The following NRG4 variants were observed in gnomAD, a reference collection of about 807,000 sequenced individuals.
NRG4 encodes pro-neuregulin-4, membrane-bound isoform.
NRG4 carries 10 observed loss-of-function variants against 15.0 expected under a neutral mutation model. The ratio of observed to expected loss-of-function variants is 0.67; its 90% CI spans 0.41 to 1.13. NRG4 has a LOEUF of 1.13. NRG4 is among the 50% of genes most tolerant of loss of function. The pLI is 0.00. For synonymous variants in NRG4, 41 were observed against 50.1 expected (o/e 0.82, Z 0.77); for missense variants, 139 against 140.2 (o/e 0.99, Z 0.04).
chr15:76,014,116 C>T (rs552629270), upstream of NRG4, among the ~76,000 whole-genome samples: 9 of 152,054 alleles, frequency 5.9e-5, no homozygotes, highest in South Asian at 2.1e-4. Context: ...TTTTTTCATA[C>T]GTTTGTTGGC....
chr15:76,059,530 C>G (rs2036242431), intron 1 of NRG4: 1 of 152,674 alleles, frequency 6.5e-6, no homozygotes, highest in Admixed American at 6.5e-5. Context: ...CGAGCGACGC[C>G]CTCGGCCTCC....
At position 75,941,683 on chromosome 15, in the gene NRG4, T is replaced by C. The variant is rs1292983036; in HGVS notation, c.*1955A>G. On this transcript the variant is annotated 3_prime_UTR_variant, in exon 6 of 6. Coordinates refer to ENST00000394907, the MANE Select transcript of NRG4 (RefSeq NM_138573.4). ...GGACAATACTATATGAATCCACTGA[T>C]GTGAGGTACCTAGACTAGTGAGATT... 2 of 152,154 alleles carry C rather than the reference T, an allele frequency of 1.3e-5. No homozygotes were observed. The highest frequency in any genetic ancestry group is 4.8e-5 in the African/African-American group (2 of 41,450). The allele number at this position is 152,154 out of a possible 1,614,324, so 9.4% of individuals were successfully genotyped here. A position where few individuals can be genotyped will look rare whatever the true frequency, so the allele number is the denominator to read the frequency against.
At chr15:76,054,975 T>C (rs573917902) in intron 2 of NRG4, among the ~76,000 whole-genome samples, 1 of 152,308 alleles carries the variant, frequency 6.6e-6, no homozygotes, top group Non-Finnish European at 1.5e-5. Flanking sequence ...AATGTATTAT[T>C]TGAATTCAAT....
chr15:76,009,118 G>T, intron 3 of NRG4, 82 bp downstream of exon 3: 1 of 769,966 alleles, frequency 1.3e-6, no homozygotes, highest in Non-Finnish European at 2.4e-6. Context: ...TACACTTTTT[G>T]TTTACTTTTT....
At chr15:76,004,722 GC>G (rs1211845380) in intron 3 of NRG4, among the ~76,000 whole-genome samples, 2 of 150,576 alleles carry the variant, frequency 1.3e-5, no homozygotes, top group African/African-American at 2.4e-5. Context: ...AATTACAAAA[GC>G]CCCTTCTTAT....
At chr15:76,035,371 G>A (rs907248946) in intron 5 of NRG4, among the ~76,000 whole-genome samples, 4 of 152,170 alleles carry the variant, frequency 2.6e-5, no homozygotes, top group African/African-American at 9.7e-5. Flanking sequence ...CACTGGCAAA[G>A]GAGAACAGGA....
At chr15:76,033,644 A>G (rs1167972739) in intron 5 of NRG4, among the ~76,000 whole-genome samples, 1 of 152,224 alleles carries the variant, frequency 6.6e-6, no homozygotes, top group South Asian at 2.1e-4. Context: ...TCACTAATCA[A>G]TGATGTCATC....
intron 4 of NRG4, among the ~76,000 whole-genome samples, chr15:76,040,742 T>C (rs2141953429): frequency 6.6e-6 from 1 of 152,262 alleles, no homozygotes; most frequent in Middle Eastern, 3.4e-3. Flanking sequence ...CTGGCCAACA[T>C]GGTGAAGCCC....
upstream of NRG4, among the ~76,000 whole-genome samples, chr15:76,016,954 G>C (rs1308887923): frequency 6.6e-6 from 1 of 152,062 alleles, no homozygotes; most frequent in Non-Finnish European, 1.5e-5. Context: ...TATTGTGTGG[G>C]AGTCTATGTC....
intron 2 of NRG4, among the ~76,000 whole-genome samples, chr15:76,009,955 A>G (rs756314543): frequency 6.6e-6 from 1 of 152,160 alleles, no homozygotes; most frequent in Non-Finnish European, 1.5e-5. Flanking sequence ...TTAAGAAAAT[A>G]AACCTCTACT....
At chr15:75,946,368 G>GTT (rs200262406) in intron 5 of NRG4, among the ~76,000 whole-genome samples, 1 of 151,976 alleles carries the variant, frequency 6.6e-6, no homozygotes, top group African/African-American at 2.4e-5. Context: ...GTTTGATTTT[G>GTT]TTTTTTTGAG....
intron 5 of NRG4, among the ~76,000 whole-genome samples, chr15:76,025,294 C>T (rs2035279476): frequency 6.6e-6 from 1 of 152,026 alleles, no homozygotes; most frequent in African/African-American, 2.4e-5. Flanking sequence ...AAAAAATTAG[C>T]TGGGCGTGGT....
chr15:76,011,885 C>T (rs1310584209), intron 1 of NRG4: 1 of 151,966 alleles, frequency 6.6e-6, no homozygotes, highest in African/African-American at 2.4e-5. Context: ...GTTAACCCCA[C>T]ACACACACAA....
At chr15:76,027,850 A>C (rs953250104) in intron 5 of NRG4, among the ~76,000 whole-genome samples, 1 of 152,234 alleles carries the variant, frequency 6.6e-6, no homozygotes, top group Non-Finnish European at 1.5e-5. Flanking sequence ...CAATGGATAA[A>C]ACTTCAAATC....
At chr15:75,985,062 C>T (rs895677951) in intron 3 of NRG4, among the ~76,000 whole-genome samples, 1 of 152,118 alleles carries the variant, frequency 6.6e-6, no homozygotes. Context: ...CCAGGCTGGT[C>T]TCGAACTCCT....
chr15:76,006,341 C>T (rs1007408148), intron 3 of NRG4, among the ~76,000 whole-genome samples: 1 of 152,166 alleles, frequency 6.6e-6, no homozygotes. Flanking sequence ...TCACTCTTAG[C>T]TATTGCTATT....
intron 2 of NRG4, among the ~76,000 whole-genome samples, chr15:76,054,655 G>A (rs2036110936): frequency 6.6e-6 from 1 of 152,154 alleles, no homozygotes; most frequent in South Asian, 2.1e-4. Context: ...CCTCAGGTCA[G>A]AGGGATCATT....
Position 75,966,897 on chromosome 15 carries a change from A to G in NRG4, c.105-4923T>C, listed in dbSNP as rs535186524. On this transcript the variant is annotated intron_variant, in intron 3 of 5. Transcript: ENST00000394907. ...TGTGGGAGGCCAAGGTGGGTGGATC[A>G]CAAGGTCAGGAGTTCAAGACCAGCC... is the stretch of plus-strand genomic sequence containing the variant. 4.6e-5 allele frequency among the ~76,000 whole-genome samples: 7 copies of G among 152,234 alleles called. No individual in the cohort carries two copies. The South Asian group carries it at 1.5e-3, about 32-fold the overall frequency.
chr15:76,015,732 G>A (rs181291726), upstream of NRG4, among the ~76,000 whole-genome samples: 11 of 152,234 alleles, frequency 7.2e-5, no homozygotes, highest in Non-Finnish European at 1.2e-4. Flanking sequence ...TTGACATGCT[G>A]TTGGATTCAG....
Sources: gnomAD v4.1 joint callset for allele counts (sites outside exome capture counted in the v4.1 genomes callset) on GRCh38, gnomAD v4.1.1 for gene constraint, MANE v1.5 for transcripts, NCBI Gene and HGNC (gene_info 2026-07-23, HGNC 2026-07-21) for gene names.